Variants in MYH9 observed in about 807,000 individuals in gnomAD.
MYH9 encodes myosin-9.
A neutral mutation model predicts 241.9 loss-of-function variants in MYH9; 29 were observed. The observed-to-expected ratio is 0.12, with a 90% confidence interval of 0.09 to 0.16. The LOEUF (loss-of-function observed/expected upper bound fraction) is 0.16. MYH9 is among the 10% of genes least tolerant of loss of function. The pLI is 1.00. For missense variants in MYH9, 1,803 were observed against 2,595.5 expected, an observed-to-expected ratio of 0.69 and a Z score of 6.63; for synonymous variants, 1,047 against 1,062.6, an observed-to-expected ratio of 0.99 and a Z score of 0.29.
At chr22:36,324,805 C>T (rs546944896) in intron 5 of MYH9, among the ~76,000 whole-genome samples, 12 of 152,340 alleles carry the variant, frequency 7.9e-5, no homozygotes, top group Non-Finnish European at 1.5e-4. Context: ...AGGGCAGGGA[C>T]GGGGTGCCTA....
At chr22:36,379,886 C>T (rs749213733) in intron 1 of MYH9, among the ~76,000 whole-genome samples, 2 of 152,188 alleles carry the variant, frequency 1.3e-5, no homozygotes, top group Admixed American at 6.5e-5. Flanking sequence ...ATCTCAGGCT[C>T]GAGAAGCTAA....
At chr22:36,358,289 T>C (rs1045187199) in intron 1 of MYH9, among the ~76,000 whole-genome samples, 3 of 152,168 alleles carry the variant, frequency 2.0e-5, no homozygotes, top group African/African-American at 7.2e-5. Flanking sequence ...GGTCTCGAAC[T>C]CCTGAGCTCA....
intron 25 of MYH9, among the ~76,000 whole-genome samples, chr22:36,296,017 G>A (rs188712024): frequency 1.3e-5 from 2 of 152,274 alleles, no homozygotes; most frequent in East Asian, 1.9e-4. Context: ...GAAATAAAAC[G>A]CTACACCACA....
intron 1 of MYH9, among the ~76,000 whole-genome samples, chr22:36,359,194 TTTG>T (rs2017899713): frequency 6.6e-6 from 1 of 152,280 alleles, no homozygotes. Context: ...ATACTCATTA[TTTG>T]TAGTTTTATT....
intron 3 of MYH9, among the ~76,000 whole-genome samples, chr22:36,333,471 T>C (rs1342492902): frequency 6.6e-6 from 1 of 152,186 alleles, no homozygotes. Context: ...CAGGTGGGAA[T>C]GACATCCTGA....
At chr22:36,327,636 G>A in intron 3 of MYH9, 148 bp from the exon 4 acceptor site, 2 of 925,570 alleles carry the variant, frequency 2.2e-6, no homozygotes, top group Non-Finnish European at 3.4e-6. Context: ...CTCACACCTG[G>A]CTAGGAGGAG....
intron 1 of MYH9, among the ~76,000 whole-genome samples, chr22:36,361,722 A>G (rs976332889): frequency 6.6e-6 from 1 of 152,186 alleles, no homozygotes; most frequent in African/African-American, 2.4e-5. Context: ...AGGAATGTGG[A>G]CTTTATTCTA....
chr22:36,308,644 G>A (rs2017009472), intron 15 of MYH9, among the ~76,000 whole-genome samples: 1 of 152,084 alleles, frequency 6.6e-6, no homozygotes, highest in African/African-American at 2.4e-5. Flanking sequence ...GGCACAGTGC[G>A]GGGAACCTGC....
At position 36,295,673 on chromosome 22, in the gene MYH9, A is replaced by G. The variant is rs757024922; in HGVS notation, c.3317T>C (p.Ile1106Thr). The change falls in exon 26 of 41, where the codon ATC becomes ACC. Residue 1106 changes from isoleucine (I) to threonine (T), a missense_variant. This residue lies in a region of MYH9 where 290 missense variants were observed against 360.5 expected (regional missense o/e 0.80). Coordinates refer to ENST00000216181, the MANE Select transcript of MYH9 (RefSeq NM_002473.6). The surrounding 1 kb of genome is among the most constrained non-coding windows in gnomAD (Gnocchi z 4.1). ...AGAGATCTGAGATTCCAGCTCCCGGATCTTCTTGAGGGCCATGTTCTTCTG... is the reference window on the plus strand; with the variant it reads ...AGAGATCTGAGATTCCAGCTCCCGGGTCTTCTTGAGGGCCATGTTCTTCTG... ...AAQKNMALKK[I>T]RELESQISEL... 6 of 1,613,668 alleles carry G rather than the reference A, an allele frequency of 3.7e-6. 1 individual carries two copies. The Admixed American group carries it at 8.3e-5, about 22-fold the overall frequency.
Position 36,309,402 on chromosome 22 carries a change from G to C in MYH9, c.1729-6C>G, listed in dbSNP as rs9622375. On this transcript the variant is annotated splice_region_variant and splice_polypyrimidine_tract_variant and intron_variant, in intron 14 of 40. Transcript: ENST00000216181. Reference sequence around the variant, plus strand: ...TCGTCAGCTTTGTAATCCACCTGGCGGGGTCAGAGAGGCAGGAGTCACAAG... The same window carrying C: ...TCGTCAGCTTTGTAATCCACCTGGCCGGGTCAGAGAGGCAGGAGTCACAAG... 1 of 1,611,986 alleles carries C rather than the reference G, an allele frequency of 6.2e-7. No individual in the cohort carries two copies.
chr22:36,369,081 C>A (rs1313482220), intron 1 of MYH9, among the ~76,000 whole-genome samples: 5 of 152,160 alleles, frequency 3.3e-5, no homozygotes, highest in Admixed American at 1.3e-4. Flanking sequence ...AACCAGAAAG[C>A]GCCCTCAGCC....
chr22:36,318,733 G>A (rs2017200386), intron 10 of MYH9, among the ~76,000 whole-genome samples: 1 of 152,156 alleles, frequency 6.6e-6, no homozygotes, highest in Non-Finnish European at 1.5e-5. Context: ...CCTGGTGCTG[G>A]GGCACGGAAC....
chr22:36,289,340 CCAG>C, intron 31 of MYH9, 43 bp from the exon 32 acceptor site: 1 of 1,561,806 alleles, frequency 6.4e-7, no homozygotes, highest in South Asian at 1.2e-5. Context: ...GCTACGGCCC[CCAG>C]CAGGGCAGGG....
At chr22:36,348,768 CCCAGCA>C in intron 2 of MYH9, 130 bp downstream of exon 2, 1 of 812,240 alleles carries the variant, frequency 1.2e-6, no homozygotes, top group Non-Finnish European at 2.1e-6. Context: ...AGGATGTCAC[CCCAGCA>C]CTCCTTCAAG....
intron 1 of MYH9, among the ~76,000 whole-genome samples, chr22:36,374,515 G>C (rs1268109147): frequency 2.0e-5 from 3 of 152,182 alleles, no homozygotes; most frequent in Admixed American, 6.5e-5. Flanking sequence ...GTGAGACTCT[G>C]TTTCAAATAA....
In MYH9 at chr22:36,320,417, C is replaced by T. The variant is rs1216543004; in HGVS notation, c.869-54G>A. ...CAGCGAGGTGCTGAAAGTGGAGGCT[C>T]CATCAGCGCTGTGACCTCAAAGGTT... is the stretch of plus-strand genomic sequence containing the variant. On this transcript the variant is annotated intron_variant, in intron 8 of 40. Transcript: ENST00000216181. The surrounding 1 kb of genome is among the most constrained non-coding windows in gnomAD (Gnocchi z 4.8). 20 of 1,602,572 alleles carry T rather than the reference C, an allele frequency of 1.2e-5. No homozygotes were observed. In the East Asian group the frequency reaches 1.3e-4, roughly 11 times the overall value.
intron 5 of MYH9, among the ~76,000 whole-genome samples, chr22:36,325,824 G>A (rs1569536114): frequency 6.6e-6 from 1 of 152,224 alleles, no homozygotes; most frequent in Non-Finnish European, 1.5e-5. Flanking sequence ...ATTTCAGAGT[G>A]CACAGGAGGT....
In MYH9 at chr22:36,312,233, CGCA is replaced by C. The variant is rs747757159; in HGVS notation, c.1555-14_1555-12del. ...GCCCGGGGGGCCTGCCTGGAGGAAG[CGCA>C]GCATCAGCACAGGTGAGTGCACCCT... On this transcript the variant is annotated splice_polypyrimidine_tract_variant and intron_variant, in intron 13 of 40. Coordinates refer to ENST00000216181, the MANE Select transcript of MYH9 (RefSeq NM_002473.6). 1 of 1,613,774 alleles carries C rather than the reference CGCA, an allele frequency of 6.2e-7. No individual in the cohort carries two copies. The highest frequency in any genetic ancestry group is 8.5e-7 in the Non-Finnish European group (1 of 1,179,976).
At chr22:36,358,158 C>G (rs136205) in intron 1 of MYH9, among the ~76,000 whole-genome samples, 98,742 of 152,056 alleles carry the variant, frequency 0.65, 33,339 homozygotes, top group Non-Finnish European at 0.74. Flanking sequence ...TCCACCTCCC[C>G]GGTTCAAGCA....
Sources: gnomAD v4.1 joint callset for allele counts (sites outside exome capture counted in the v4.1 genomes callset) on GRCh38, gnomAD v4.1.1 for gene constraint, gnomAD v4.1.1 regional missense constraint, Gnocchi (gnomAD v3.1) non-coding constraint, MANE v1.5 for transcripts, NCBI Gene and HGNC (gene_info 2026-07-23, HGNC 2026-07-21) for gene names.